MAGI1: variants seen among roughly 807,000 people sequenced by gnomAD.
MAGI1 encodes membrane associated guanylate kinase, WW and PDZ domain containing 1, also known as membrane-associated guanylate kinase, WW and PDZ domain-containing protein 1.
MAGI1 carries 58 observed loss-of-function variants against 139.9 expected under a neutral mutation model. The ratio of observed to expected loss-of-function variants is 0.41; its 90% confidence interval spans 0.34 to 0.52. The LOEUF (loss-of-function observed/expected upper bound fraction) is 0.52. Among genes scored for constraint, MAGI1 ranks in the 20% least tolerant of loss-of-function variants. MAGI1 has a pLI of 0.12. For missense variants in MAGI1, 1,874 were observed against 1,901.6 expected (o/e 0.99, Z 0.27); for synonymous variants, 812 against 737.9 (o/e 1.10, Z -1.63).
chr3:65,870,064 T>C (rs1411319926), intron 1 of MAGI1, among the ~76,000 whole-genome samples: 1 of 152,238 alleles, frequency 6.6e-6, no homozygotes, highest in African/African-American at 2.4e-5. Context: ...CTTCATTAAA[T>C]GCATTTCCTC....
At chr3:65,693,718 T>TTTG (rs1233413033) in intron 1 of MAGI1, among the ~76,000 whole-genome samples, 119 of 152,060 alleles carry the variant, frequency 7.8e-4, no homozygotes, top group African/African-American at 2.8e-3. Flanking sequence ...TGTTTTTGTT[T>TTTG]TTTGTTGTTG....
intron 2 of MAGI1, chr3:65,597,652 A>G (rs1005315730): frequency 2.2e-6 from 1 of 454,772 alleles, no homozygotes; most frequent in Non-Finnish European, 4.4e-6. Context: ...CTTCACCTCC[A>G]TGGATATTCC....
intron 10 of MAGI1, among the ~76,000 whole-genome samples, chr3:65,435,145 A>G (rs1947743479): frequency 6.6e-6 from 1 of 152,204 alleles, no homozygotes; most frequent in Non-Finnish European, 1.5e-5. Context: ...TTTGGTGTTT[A>G]AGCCACCTAG....
At chr3:65,851,055 C>A (rs112741066) in intron 1 of MAGI1, among the ~76,000 whole-genome samples, 1 of 151,908 alleles carries the variant, frequency 6.6e-6, no homozygotes, top group South Asian at 2.1e-4. Flanking sequence ...TGCAGTGAGC[C>A]GAGATCACGC....
chr3:65,833,248 A>G (rs1245566003), intron 1 of MAGI1, among the ~76,000 whole-genome samples: 1 of 152,064 alleles, frequency 6.6e-6, no homozygotes, highest in Non-Finnish European at 1.5e-5. Context: ...CCTCCCGAGT[A>G]GCTGGGATCA....
Position 65,429,868 on chromosome 3 carries a change from C to A in MAGI1, c.1819G>T (p.Asp607Tyr), listed in dbSNP as rs769503539. ...SKTGKVNGMKDARPSSPADVA... is the reference protein window; with the variant it reads ...SKTGKVNGMKYARPSSPADVA... Reference sequence around the variant, plus strand: ...TCCGCTGGGCTGCTTGGCCTGGCATCCTTCATGCCATTGACTTTGCCTGTT... The same window carrying A: ...TCCGCTGGGCTGCTTGGCCTGGCATACTTCATGCCATTGACTTTGCCTGTT... The change falls in exon 12 of 23, where the codon GAT becomes TAT. Residue 607 changes from aspartate (D) to tyrosine (Y), a missense_variant. Transcript: ENST00000402939. The A allele has an allele frequency of 6.2e-7, 1 of 1,614,010 alleles. No individual in the cohort carries two copies. Among genetic ancestry groups the A allele is most frequent in the Non-Finnish European group, 8.5e-7 (1 of 1,179,960 alleles).
At chr3:65,725,453 T>C (rs1559823203) in intron 1 of MAGI1, among the ~76,000 whole-genome samples, 1 of 152,314 alleles carries the variant, frequency 6.6e-6, no homozygotes, top group East Asian at 1.9e-4. Flanking sequence ...ACAGATCTTG[T>C]TACATGTCTA....
chr3:65,401,885 G>A (rs1352843102), intron 12 of MAGI1: 2 of 985,178 alleles, frequency 2.0e-6, no homozygotes, highest in African/African-American at 1.7e-5. Flanking sequence ...CAGGACAGAG[G>A]AAAGGGTATA....
intron 2 of MAGI1, among the ~76,000 whole-genome samples, chr3:65,519,572 G>C (rs188182221): frequency 2.6e-5 from 4 of 152,140 alleles, no homozygotes; most frequent in Admixed American, 2.6e-4. Context: ...TTTTAGTAGA[G>C]ATAGGGTTTC....
At chr3:65,440,508 A>G (rs1034386083) in intron 8 of MAGI1, among the ~76,000 whole-genome samples, 5 of 152,168 alleles carry the variant, frequency 3.3e-5, no homozygotes, top group African/African-American at 9.7e-5. Flanking sequence ...ACATAAGATT[A>G]AAGTGGCTAT....
chr3:65,998,018 G>T (rs374163226), intron 1 of MAGI1, among the ~76,000 whole-genome samples: 1 of 151,002 alleles, frequency 6.6e-6, no homozygotes, highest in African/African-American at 2.4e-5. Flanking sequence ...CTGGAGAAAC[G>T]CTTGAACCCG....
intron 1 of MAGI1, among the ~76,000 whole-genome samples, chr3:65,863,331 C>T (rs1316376997): frequency 1.3e-5 from 2 of 152,196 alleles, no homozygotes; most frequent in Non-Finnish European, 2.9e-5. Flanking sequence ...TGTTTTCACA[C>T]TACTGAGGAC....
intron 1 of MAGI1, among the ~76,000 whole-genome samples, chr3:65,897,675 C>A (rs574825983): frequency 4.6e-5 from 7 of 151,624 alleles, no homozygotes; most frequent in South Asian, 2.1e-4. Flanking sequence ...ACAACAACAA[C>A]AAAAAAGAAC....
intron 5 of MAGI1, among the ~76,000 whole-genome samples, chr3:65,455,491 G>T (rs1244759024): frequency 2.0e-5 from 3 of 152,134 alleles, no homozygotes; most frequent in African/African-American, 7.2e-5. Flanking sequence ...CAGGTGGATT[G>T]CTTGAGCTCA....
intron 1 of MAGI1, among the ~76,000 whole-genome samples, chr3:66,014,912 C>G (rs1181158728): frequency 1.3e-5 from 2 of 152,150 alleles, no homozygotes; most frequent in Non-Finnish European, 2.9e-5. Context: ...CTATAAATAT[C>G]CTACAGACAA....
At chr3:65,865,905 G>A (rs998966627) in intron 1 of MAGI1, among the ~76,000 whole-genome samples, 2 of 152,134 alleles carry the variant, frequency 1.3e-5, no homozygotes, top group African/African-American at 4.8e-5. Flanking sequence ...CTCCCAAAGT[G>A]CTGGGATTAC....
chr3:65,766,036 C>T (rs939925785), intron 1 of MAGI1, among the ~76,000 whole-genome samples: 23 of 152,314 alleles, frequency 1.5e-4, no homozygotes, highest in Admixed American at 4.6e-4. Context: ...GTAGGCAGGA[C>T]TAAAGTATCC....
intron 1 of MAGI1, among the ~76,000 whole-genome samples, chr3:65,872,547 T>C (rs2059973973): frequency 6.6e-6 from 1 of 152,198 alleles, no homozygotes; most frequent in Non-Finnish European, 1.5e-5. Context: ...AATCAGAACC[T>C]ATTGGCAGTG....
intron 2 of MAGI1, among the ~76,000 whole-genome samples, chr3:65,603,432 C>G (rs1463497380): frequency 6.6e-6 from 1 of 151,978 alleles, no homozygotes; most frequent in Non-Finnish European, 1.5e-5. Flanking sequence ...ATATGACAAT[C>G]TACATAATAA....
Sources: allele counts gnomAD v4.1 joint callset (sites outside exome capture counted in the v4.1 genomes callset), GRCh38; gene constraint gnomAD v4.1.1; transcripts MANE v1.5; gene names NCBI Gene and HGNC (gene_info 2026-07-23, HGNC 2026-07-21).